The following SDCCAG8 variants were observed in gnomAD, a reference collection of about 807,000 sequenced individuals.
SDCCAG8 encodes SHH signaling and ciliogenesis regulator SDCCAG8.
Under a neutral mutation model 101.8 loss-of-function variants are expected in SDCCAG8, and 74 were observed. The ratio of observed to expected loss-of-function variants is 0.73; its 90% CI spans 0.60 to 0.88. The LOEUF is 0.88. Ranked by LOEUF, SDCCAG8 falls within the 40% of genes least tolerant of loss-of-function variation. The probability of loss-of-function intolerance (pLI) is 0.00; values close to 1 mark genes in which losing one functional copy is unlikely to be tolerated. For synonymous variants in SDCCAG8, 281 were observed against 292.9 expected, an observed-to-expected ratio of 0.96 and a Z score of 0.41; for missense variants, 787 against 822.6, an observed-to-expected ratio of 0.96 and a Z score of 0.53.
At chr1:243,496,689 G>A (rs1248850924) in intron 17 of SDCCAG8, among the ~76,000 whole-genome samples, 1 of 152,250 alleles carries the variant, frequency 6.6e-6, no homozygotes, top group African/African-American at 2.4e-5. Flanking sequence ...TGGCTGGTTT[G>A]GGAACAAAGC....
At chr1:243,283,754 A>C (rs892705689) in intron 4 of SDCCAG8, among the ~76,000 whole-genome samples, 1 of 151,914 alleles carries the variant, frequency 6.6e-6, no homozygotes, top group African/African-American at 2.4e-5. Context: ...TTATTTATTT[A>C]TTTTGAGACG....
At chr1:243,441,800 G>A (rs566047650) in intron 16 of SDCCAG8, among the ~76,000 whole-genome samples, 97 of 152,226 alleles carry the variant, frequency 6.4e-4, no homozygotes, top group African/African-American at 2.3e-3. Context: ...CATAATTTAT[G>A]ACCCTTTCTA....
intron 16 of SDCCAG8, among the ~76,000 whole-genome samples, chr1:243,457,798 T>C (rs908737542): frequency 6.6e-6 from 1 of 152,220 alleles, no homozygotes; most frequent in Non-Finnish European, 1.5e-5. Context: ...GCTGGCACTC[T>C]CCAATCCCTC....
chr1:243,369,935 T>C (rs1329444447), intron 12 of SDCCAG8, among the ~76,000 whole-genome samples: 1 of 152,102 alleles, frequency 6.6e-6, no homozygotes, highest in African/African-American at 2.4e-5. Flanking sequence ...CTTCATCTCT[T>C]TTTACTCACA....
intron 8 of SDCCAG8, among the ~76,000 whole-genome samples, chr1:243,314,079 A>G (rs891317294): frequency 2.6e-5 from 4 of 152,214 alleles, no homozygotes; most frequent in Non-Finnish European, 5.9e-5. Flanking sequence ...AGTCAAAACA[A>G]AACCAAACCA....
chr1:243,455,377 C>A (rs1226480322), intron 16 of SDCCAG8, among the ~76,000 whole-genome samples: 2 of 152,190 alleles, frequency 1.3e-5, no homozygotes, highest in African/African-American at 4.8e-5. Context: ...TCAAGCAATT[C>A]TCCTGCCTCA....
At chr1:243,265,813 C>CAA (rs1044991242) in intron 1 of SDCCAG8, among the ~76,000 whole-genome samples, 83 of 107,724 alleles carry the variant, frequency 7.7e-4, no homozygotes, top group African/African-American at 2.5e-3. Flanking sequence ...ACTTCGTCTC[C>CAA]AAAAAAAAAA....
At chr1:243,468,250 C>T (rs1660538964) in intron 16 of SDCCAG8, among the ~76,000 whole-genome samples, 2 of 149,868 alleles carry the variant, frequency 1.3e-5, no homozygotes, top group African/African-American at 4.9e-5. Flanking sequence ...ACGGAGTCAG[C>T]TGTGTCACCC....
chr1:243,296,606 G>C lies in SDCCAG8; in HGVS notation c.675+3387G>C, dbSNP rs1453064001. On this transcript the variant is annotated intron_variant, in intron 6 of 17. Transcript: ENST00000366541. The stretch of plus-strand genomic sequence containing the variant: ...CGCCCAGGCGGGAGTGCTGTGGCGC[G>C]ATCTCCGCTCACTGCAAGCTCCGCC... Among the ~76,000 whole-genome samples the C allele has an allele frequency of 2.2e-5, 3 of 136,908 alleles. No individual in the cohort carries two copies. The Admixed American group carries it at 2.4e-4, about 11-fold the overall frequency. 89.8% of individuals were successfully genotyped at this position (136,908 alleles called of 152,430 possible). A position where few individuals can be genotyped will look rare whatever the true frequency, so the allele number is the denominator to read the frequency against.
chr1:243,404,527 A>C (rs1464135497), intron 13 of SDCCAG8, among the ~76,000 whole-genome samples: 6 of 152,260 alleles, frequency 3.9e-5, no homozygotes, highest in African/African-American at 1.4e-4. Context: ...TTATTGTATC[A>C]AGAAAAGAAT....
intron 1 of SDCCAG8, among the ~76,000 whole-genome samples, chr1:243,268,775 G>A (rs1345545284): frequency 6.6e-6 from 1 of 152,156 alleles, no homozygotes; most frequent in Non-Finnish European, 1.5e-5. Context: ...GCTTTTCAAG[G>A]TCCTACAGAA....
chr1:243,263,838 TTGTC>T (rs1328417189), intron 1 of SDCCAG8, among the ~76,000 whole-genome samples: 1 of 152,172 alleles, frequency 6.6e-6, no homozygotes, highest in Non-Finnish European at 1.5e-5. Context: ...AAAGCCGACA[TTGTC>T]TGATTTTTTG....
At chr1:243,294,424 C>T (rs527255634) in intron 6 of SDCCAG8, among the ~76,000 whole-genome samples, 4 of 147,960 alleles carry the variant, frequency 2.7e-5, no homozygotes, top group Admixed American at 7.0e-5. Flanking sequence ...CAGAGATTTC[C>T]TTGAATTCCA....
chr1:243,328,465 C>T (rs145849828), intron 9 of SDCCAG8, among the ~76,000 whole-genome samples: 83 of 152,106 alleles, frequency 5.5e-4, no homozygotes, highest in African/African-American at 1.9e-3. Flanking sequence ...TTTAGTAGGA[C>T]GGGGTTTCAC....
chr1:243,383,255 AG>A (rs1360042161), intron 13 of SDCCAG8, among the ~76,000 whole-genome samples: 1 of 152,190 alleles, frequency 6.6e-6, no homozygotes, highest in Non-Finnish European at 1.5e-5. Flanking sequence ...TTCTTAGGGG[AG>A]GTCCCCAGAC....
chr1:243,420,024 T>C (rs2080879026), intron 15 of SDCCAG8, among the ~76,000 whole-genome samples: 1 of 152,228 alleles, frequency 6.6e-6, no homozygotes, highest in Admixed American at 6.5e-5. Context: ...TGGCATTTAA[T>C]GAATAAATGA....
chr1:243,484,976 A>G (rs879823584), intron 16 of SDCCAG8, among the ~76,000 whole-genome samples: 3 of 151,898 alleles, frequency 2.0e-5, no homozygotes, highest in Non-Finnish European at 2.9e-5. Context: ...CCCAGGAGGC[A>G]GAGGTTGCAG....
intron 16 of SDCCAG8, among the ~76,000 whole-genome samples, chr1:243,471,425 C>T (rs948118958): frequency 6.6e-6 from 1 of 152,150 alleles, no homozygotes; most frequent in Non-Finnish European, 1.5e-5. Flanking sequence ...TTATTACGCT[C>T]GTGGGTTCTG....
In SDCCAG8 at chr1:243,426,684, T is replaced by A. The variant is rs927715168; in HGVS notation, c.1985+126T>A. ...TATGCTACTTGTGACATGCTCAAAA[T>A]CTAATACTTTATTTTATGTATTTAT... On this transcript the variant is annotated intron_variant, in intron 16 of 17. Coordinates refer to ENST00000366541, the MANE Select transcript of SDCCAG8 (RefSeq NM_006642.5). 1.3e-4 allele frequency: 145 copies of A among 1,151,950 alleles called. 1 individual carries two copies. Among genetic ancestry groups the A allele is most frequent in the Admixed American group, 1.1e-4 (6 of 55,754 alleles). The allele number at this position is 1,151,950 out of a possible 1,614,324, so 71.4% of individuals were successfully genotyped here. A position where few individuals can be genotyped will look rare whatever the true frequency, so the allele number is the denominator to read the frequency against.
Sources: allele counts gnomAD v4.1 joint callset (sites outside exome capture counted in the v4.1 genomes callset), GRCh38; gene constraint gnomAD v4.1.1; transcripts MANE v1.5; gene names NCBI Gene and HGNC (gene_info 2026-07-23, HGNC 2026-07-21).